The following CCDC51 variants were observed in gnomAD, a reference collection of about 807,000 sequenced individuals.
CCDC51 encodes the protein coiled-coil domain containing 51, also known as mitochondrial potassium channel.
In CCDC51, 25 loss-of-function variants were observed where a neutral mutation model predicts 24.8. The observed-to-expected ratio is 1.01, with a 90% CI of 0.73 to 1.41. The LOEUF (loss-of-function observed/expected upper bound fraction) is 1.41. CCDC51 is among the 40% of genes most tolerant of loss of function. The pLI is 0.00. For missense variants in CCDC51, 466 were observed against 519.1 expected (o/e 0.90, Z 0.99); for synonymous variants, 190 against 204.3 (o/e 0.93, Z 0.60).
In CCDC51 at chr3:48,435,250, A is replaced by C; in HGVS notation, c.-8-114T>G. On this transcript the variant is annotated intron_variant, in intron 1 of 3. Coordinates refer to ENST00000395694, the MANE Select transcript of CCDC51 (RefSeq NM_001256964.2). The surrounding 1 kb of genome is among the most constrained non-coding windows in gnomAD (Gnocchi z 4.2). ...ACTAATCCCCACTCAAATCATCTAA[A>C]CTGAGCACCACCCTGTTGGGCCCAG... The C allele has an allele frequency of 7.2e-6, 6 of 828,662 alleles. No homozygotes were observed. Among genetic ancestry groups the C allele is most frequent in the Non-Finnish European group, 9.1e-6 (5 of 551,080 alleles). 51.3% of individuals were successfully genotyped at this position (828,662 alleles called of 1,614,324 possible).
upstream of CCDC51, among the ~76,000 whole-genome samples, chr3:48,441,810 A>T (rs1454697021): frequency 6.6e-6 from 1 of 152,212 alleles, no homozygotes; most frequent in African/African-American, 2.4e-5. Flanking sequence ...GAGCCATGCT[A>T]GGCATGATGG....
chr3:48,444,948 A>AT (rs1369690734), upstream of CCDC51: 5 of 152,308 alleles, frequency 3.3e-5, no homozygotes, highest in African/African-American at 1.2e-4. Context: ...AGTCCCAGGC[A>AT]TACCTACCGC....
Position 48,432,552 on chromosome 3 carries a change from C to T in CCDC51, c.1092G>A (p.Gln364=). The T allele has an allele frequency of 6.2e-7, 1 of 1,614,238 alleles. No individual in the cohort carries two copies. The highest frequency in any genetic ancestry group is 8.5e-7 in the Non-Finnish European group (1 of 1,180,036). The change falls in exon 4 of 4, where the codon CAG becomes CAA. Residue 364 remains glutamine, a synonymous_variant. Transcript: ENST00000395694. ...CTGACAGTGCCAAGATCATGCTCCC[C>T]TGCTCCAGCAAGAAGCTGGGCATAG... ...DGAMPSFLLE[Q]GSMILALSDT...
upstream of CCDC51, among the ~76,000 whole-genome samples, chr3:48,442,452 CTTTTTTT>C (rs904695197): frequency 3.8e-5 from 5 of 130,744 alleles, no homozygotes; most frequent in Admixed American, 1.5e-4. Flanking sequence ...TAACCCTACA[CTTTTTTT>C]TTTTTTTTTT....
intron 1 of CCDC51, among the ~76,000 whole-genome samples, chr3:48,436,014 G>C (rs1400293428): frequency 6.6e-6 from 1 of 152,182 alleles, no homozygotes; most frequent in Non-Finnish European, 1.5e-5. Flanking sequence ...ACAGCAGGGA[G>C]TCTCCTGTTA....
intron 2 of CCDC51, among the ~76,000 whole-genome samples, 161 bp downstream of exon 2, chr3:48,434,656 G>A (rs2039293142): frequency 6.6e-6 from 1 of 152,218 alleles, no homozygotes; most frequent in African/African-American, 2.4e-5. Context: ...AGGTGGCACA[G>A]TTACATGGAG....
the CCDC51 span, chr3:48,446,395 G>A: frequency 6.4e-6 from 1 of 155,752 alleles, no homozygotes; most frequent in Non-Finnish European, 1.4e-5. Context: ...TCTGGCGGCA[G>A]AAGGAAAGCG....
chr3:48,442,260 C>CAA (rs199829895), upstream of CCDC51, among the ~76,000 whole-genome samples: 19 of 131,892 alleles, frequency 1.4e-4, no homozygotes, highest in Non-Finnish European at 2.0e-4. Flanking sequence ...GACCCTATCT[C>CAA]AAAAAAAAAA....
At chr3:48,443,833 ATTTTTC>A, upstream of CCDC51, 1 of 1,558,504 alleles carries the variant, frequency 6.4e-7, no homozygotes, top group South Asian at 1.2e-5. Context: ...AATTGTGACT[ATTTTTC>A]TTTTGCAGCC....
At chr3:48,440,308 C>T (rs768458123), upstream of CCDC51, 5 of 1,608,094 alleles carry the variant, frequency 3.1e-6, no homozygotes, top group South Asian at 1.1e-5. Flanking sequence ...TGTCCGGCCG[C>T]GAAGGTAAGT....
rs544392651 is a variant in CCDC51, at chr3:48,433,808, G to A, written c.376C>T (p.His126Tyr). 14 of 1,613,930 alleles carry A rather than the reference G, an allele frequency of 8.7e-6. No homozygotes were observed. The South Asian group carries it at 1.5e-4, about 18-fold the overall frequency. ...CTCACCTCCTTCAGCTTGGCCTGGT[G>A]AACTTCCAAGTCCTCCCGAGCCTCT... ...VREAREDLEV[H>Y]QAKLKEVRDR... is the part of the protein sequence containing the mutation. The change falls in exon 3 of 4, where the codon CAC becomes TAC. Residue 126 changes from histidine (H) to tyrosine (Y), a missense_variant. By Grantham distance (83) the His-to-Tyr change is moderately conservative (BLOSUM62 2). Coordinates refer to ENST00000395694, the MANE Select transcript of CCDC51 (RefSeq NM_001256964.2). This position sits in a 1 kb window ranked among gnomAD's most constrained non-coding sequence, Gnocchi z 4.4.
At chr3:48,441,318 G>A (rs911760867), upstream of CCDC51, among the ~76,000 whole-genome samples, 3 of 151,674 alleles carry the variant, frequency 2.0e-5, no homozygotes, top group Admixed American at 6.6e-5. Context: ...TGCTGGGATT[G>A]CAGGCGTGAG....
In CCDC51 at chr3:48,434,851, T is replaced by C. The variant is rs113958192; in HGVS notation, c.278A>G (p.Asn93Ser). Residue 93 changes from asparagine to serine, a missense_variant, in exon 2 of 4, where the codon AAC (asparagine) becomes AGC (serine). Coordinates refer to ENST00000395694, the MANE Select transcript of CCDC51 (RefSeq NM_001256964.2). ...WDRYEEFVGL[N>S]EVREAQGKVT... ...CTTTCCCTGGGCCTCTCGAACCTCGTTGAGTCCAACAAACTCTTCATATCT... is the reference window on the plus strand; with the variant it reads ...CTTTCCCTGGGCCTCTCGAACCTCGCTGAGTCCAACAAACTCTTCATATCT... The C allele has an allele frequency of 9.7e-4, 1,563 of 1,612,024 alleles. 2 individuals carry two copies. Among genetic ancestry groups the C allele is most frequent in the Non-Finnish European group, 1.1e-3 (1,261 of 1,178,488 alleles).
Position 48,432,615 on chromosome 3 carries a change from A to G in CCDC51, c.1029T>C (p.Ser343=). The change falls in exon 4 of 4, where the codon TCT becomes TCC. Residue 343 remains serine (S), a synonymous_variant. Transcript: ENST00000395694. ...GTTCCACCAGGCCTGGGTGTGCTGC[A>G]GACTTTACAAGCTGAACCACCCCAG... The part of the protein sequence containing the change: ...QMAGVVQLVK[S]AAHPGLVEPA... 1.9e-6 allele frequency: 3 copies of G among 1,614,252 alleles called. No individual in the cohort carries two copies. The highest frequency in any genetic ancestry group is 2.2e-5 in the South Asian group (2 of 91,084).
At chr3:48,443,660 G>GTAC (rs537933868), upstream of CCDC51, among the ~76,000 whole-genome samples, 1 of 151,218 alleles carries the variant, frequency 6.6e-6, no homozygotes, top group Non-Finnish European at 1.5e-5. Flanking sequence ...GCCACTGCTT[G>GTAC]TACTCCATCT....
At chr3:48,440,313 G>A (rs774713655), upstream of CCDC51, 9 of 1,609,972 alleles carry the variant, frequency 5.6e-6, no homozygotes, top group East Asian at 1.3e-4. Flanking sequence ...GGCCGCGAAG[G>A]TAAGTGTTCC....
chr3:48,441,323 C>T (rs974563677), upstream of CCDC51, among the ~76,000 whole-genome samples: 3 of 152,004 alleles, frequency 2.0e-5, no homozygotes, highest in African/African-American at 7.3e-5. Flanking sequence ...GGATTGCAGG[C>T]GTGAGCCACC....
Position 48,433,965 on chromosome 3 carries a change from C to T in CCDC51, c.313-94G>A. The stretch of plus-strand genomic sequence containing the variant: ...AGCAAGGCATTCCCAGAAGAGGTCA[C>T]TGGGGTGTGAGCTGCAAAGGGTGGA... On this transcript the variant is annotated intron_variant, in intron 2 of 3. Coordinates refer to ENST00000395694, the MANE Select transcript of CCDC51 (RefSeq NM_001256964.2). This position sits in a 1 kb window ranked among gnomAD's most constrained non-coding sequence, Gnocchi z 4.4. The T allele has an allele frequency of 6.5e-7, 1 of 1,527,004 alleles. No individual in the cohort carries two copies. Among genetic ancestry groups the T allele is most frequent in the Non-Finnish European group, 8.8e-7 (1 of 1,139,810 alleles). The allele number at this position is 1,527,004 out of a possible 1,614,324, so 94.6% of individuals were successfully genotyped here.
Position 48,433,909 on chromosome 3 carries a change from T to G in CCDC51, c.313-38A>C. 3.1e-6 allele frequency: 5 copies of G among 1,598,058 alleles called. No individual in the cohort carries two copies. Among genetic ancestry groups the G allele is most frequent in the Non-Finnish European group, 4.3e-6 (5 of 1,170,970 alleles). On this transcript the variant is annotated intron_variant, in intron 2 of 3. Transcript: ENST00000395694. This position sits in a 1 kb window ranked among gnomAD's most constrained non-coding sequence, Gnocchi z 4.4. ...AACCGGAGGCCATCTGCACCTTCTC[T>G]CCACACCCACACAGGCTCAGCTGCA...
Sources: allele counts gnomAD v4.1 joint callset (sites outside exome capture counted in the v4.1 genomes callset), GRCh38; gene constraint gnomAD v4.1.1; non-coding constraint Gnocchi (gnomAD v3.1); transcripts MANE v1.5; gene names NCBI Gene and HGNC (gene_info 2026-07-23, HGNC 2026-07-21).